Variants in FRMD4A observed in about 807,000 individuals in gnomAD.
The protein encoded by FRMD4A is FERM domain containing 4A.
Under a neutral mutation model 129.1 loss-of-function variants are expected in FRMD4A, and 29 were observed. The ratio of observed to expected loss-of-function variants is 0.22; its 90% CI spans 0.17 to 0.31. The LOEUF (loss-of-function observed/expected upper bound fraction) is 0.31. Ranked by LOEUF, FRMD4A falls within the 10% of genes least tolerant of loss-of-function variation. The pLI is 1.00. For missense variants in FRMD4A, 1,272 were observed against 1,375.8 expected, an observed-to-expected ratio of 0.92 and a Z score of 1.19; for synonymous variants, 634 against 571.6, an observed-to-expected ratio of 1.11 and a Z score of -1.56.
At chr10:14,189,645 T>C (rs1178184289) in intron 2 of FRMD4A, among the ~76,000 whole-genome samples, 1 of 152,214 alleles carries the variant, frequency 6.6e-6, no homozygotes, top group African/African-American at 2.4e-5. Flanking sequence ...TAACATTCTT[T>C]GTTCTTGTAT....
intron 11 of FRMD4A, among the ~76,000 whole-genome samples, chr10:13,739,889 C>G (rs1377244657): frequency 1.3e-5 from 2 of 152,250 alleles, no homozygotes; most frequent in African/African-American, 2.4e-5. Flanking sequence ...CACCTGAGGT[C>G]AGGAGTTCCA....
At chr10:14,105,938 G>C (rs1287445945) in intron 2 of FRMD4A, among the ~76,000 whole-genome samples, 1 of 151,896 alleles carries the variant, frequency 6.6e-6, no homozygotes, top group African/African-American at 2.4e-5. Context: ...TTCCACCCAG[G>C]GTTATATATG....
At chr10:13,867,710 AACATATAATATAATATAT>A (rs2094387671) in intron 2 of FRMD4A, among the ~76,000 whole-genome samples, 1 of 2,728 alleles carries the variant, frequency 3.7e-4, no homozygotes, top group African/African-American at 5.1e-4. Flanking sequence ...TATAATAAAT[AACATATAATATAATATAT>A]AATAAATAAC....
intron 2 of FRMD4A, among the ~76,000 whole-genome samples, chr10:14,318,664 A>G (rs890353801): frequency 2.4e-4 from 37 of 152,106 alleles, no homozygotes; most frequent in Non-Finnish European, 3.4e-4. Flanking sequence ...CACTCATTCA[A>G]TCAATATTTA....
At chr10:14,254,070 G>A (rs1001833842) in intron 2 of FRMD4A, among the ~76,000 whole-genome samples, 12 of 152,170 alleles carry the variant, frequency 7.9e-5, no homozygotes, top group African/African-American at 2.9e-4. Flanking sequence ...AAGGGAAAAT[G>A]CTATGTCTTT....
chr10:14,286,273 G>A (rs1237701), intron 2 of FRMD4A, among the ~76,000 whole-genome samples: 79,203 of 151,998 alleles, frequency 0.52, 21,398 homozygotes, highest in African/African-American at 0.68. Context: ...GAAAGGATAT[G>A]GTAGCTTTTG....
intron 13 of FRMD4A, among the ~76,000 whole-genome samples, chr10:13,704,974 T>A (rs1216135111): frequency 6.6e-6 from 1 of 151,488 alleles, no homozygotes; most frequent in African/African-American, 2.4e-5. Flanking sequence ...AGGCTGAGGC[T>A]GAGGTGGGAG....
rs577366124 is a variant in FRMD4A at position 14,210,713 on chromosome 10, C to T, written c.45+119345G>A. 1.4e-4 allele frequency among the ~76,000 whole-genome samples: 22 copies of T among 152,114 alleles called. No homozygotes were observed. In the South Asian group the frequency reaches 4.6e-3, roughly 32 times the overall value. ...GTGGGCCTTGACTGTGGATTTCCGT[C>T]TTTGTTTGTTGTTTGTTTCTTTGTT... is the stretch of plus-strand genomic sequence containing the variant. On this transcript the variant is annotated intron_variant, in intron 2 of 24. Transcript: ENST00000357447.
At chr10:14,236,696 T>C (rs966406291) in intron 2 of FRMD4A, among the ~76,000 whole-genome samples, 1 of 152,174 alleles carries the variant, frequency 6.6e-6, no homozygotes, top group Non-Finnish European at 1.5e-5. Context: ...TACTGCCTTA[T>C]CTACTGGATG....
chr10:14,103,206 A>G (rs74122476), intron 2 of FRMD4A, among the ~76,000 whole-genome samples: 1,583 of 152,348 alleles, frequency 0.01, 23 homozygotes, highest in African/African-American at 0.036. Flanking sequence ...TCTCTTCTCC[A>G]TGTAAGAAAA....
chr10:13,857,382 T>C (rs2094227958), intron 3 of FRMD4A, among the ~76,000 whole-genome samples: 1 of 152,152 alleles, frequency 6.6e-6, no homozygotes, highest in Non-Finnish European at 1.5e-5. Flanking sequence ...TGTAGAATTA[T>C]ACATGTACTA....
intron 3 of FRMD4A, among the ~76,000 whole-genome samples, chr10:13,824,161 C>T (rs1326414842): frequency 1.3e-5 from 2 of 151,892 alleles, no homozygotes; most frequent in South Asian, 2.1e-4. Context: ...ATTCAACCAA[C>T]CATGGATCAA....
chr10:14,095,175 A>G (rs1377039172), intron 2 of FRMD4A, among the ~76,000 whole-genome samples: 8 of 152,236 alleles, frequency 5.3e-5, no homozygotes, highest in African/African-American at 1.9e-4. Flanking sequence ...TAACTAAATG[A>G]GGCCGAAATA....
chr10:14,073,565 G>A (rs1307778575), intron 2 of FRMD4A, among the ~76,000 whole-genome samples: 1 of 152,124 alleles, frequency 6.6e-6, no homozygotes, highest in Non-Finnish European at 1.5e-5. Flanking sequence ...TTACTTGGCT[G>A]GTGTCCATGA....
chr10:13,761,431 G>A (rs955938729), intron 8 of FRMD4A, among the ~76,000 whole-genome samples: 3 of 152,162 alleles, frequency 2.0e-5, no homozygotes, highest in East Asian at 1.9e-4. Context: ...AGTAATCTCC[G>A]GGCTTTGCAT....
chr10:14,148,861 C>A (rs1020607188), intron 2 of FRMD4A, among the ~76,000 whole-genome samples: 1 of 152,004 alleles, frequency 6.6e-6, no homozygotes, highest in African/African-American at 2.4e-5. Context: ...AGATCTTGGG[C>A]AAGACCGTCT....
At chr10:13,845,187 C>T (rs1294772005) in intron 3 of FRMD4A, among the ~76,000 whole-genome samples, 1 of 152,174 alleles carries the variant, frequency 6.6e-6, no homozygotes, top group Non-Finnish European at 1.5e-5. Flanking sequence ...ACCTAGTCCA[C>T]TTATTTAGAT....
chr10:14,262,333 T>C (rs2132035165), intron 2 of FRMD4A, among the ~76,000 whole-genome samples: 1 of 152,342 alleles, frequency 6.6e-6, no homozygotes, highest in East Asian at 1.9e-4. Context: ...ATCCTGGTTC[T>C]GTACCATGGG....
intron 2 of FRMD4A, among the ~76,000 whole-genome samples, chr10:14,158,463 A>G (rs1277042763): frequency 6.6e-6 from 1 of 152,014 alleles, no homozygotes; most frequent in African/African-American, 2.4e-5. Context: ...ATAATTAAAA[A>G]TTTGCTGAGT....
Sources: gnomAD v4.1 joint callset for allele counts (sites outside exome capture counted in the v4.1 genomes callset) on GRCh38, gnomAD v4.1.1 for gene constraint, MANE v1.5 for transcripts, NCBI Gene and HGNC (gene_info 2026-07-23, HGNC 2026-07-21) for gene names.